The following PTBP3 variants were observed in gnomAD, a reference collection of about 807,000 sequenced individuals.
PTBP3 encodes the protein polypyrimidine tract binding protein 3.
A neutral mutation model predicts 58.7 loss-of-function variants in PTBP3; 20 were observed. The ratio of observed to expected loss-of-function variants is 0.34; its 90% CI spans 0.24 to 0.50. The LOEUF is 0.50. PTBP3 is among the 20% of genes least tolerant of loss of function. PTBP3 has a pLI of 0.98. For missense variants in PTBP3, 509 were observed against 637.2 expected, an observed-to-expected ratio of 0.80 and a Z score of 2.17; for synonymous variants, 185 against 219.8, an observed-to-expected ratio of 0.84 and a Z score of 1.40.
chr9:112,250,265 T>C (rs538496951), intron 7 of PTBP3, among the ~76,000 whole-genome samples: 7 of 152,246 alleles, frequency 4.6e-5, no homozygotes, highest in African/African-American at 1.7e-4. Context: ...AACCACACTT[T>C]TGAGAACTGT....
chr9:112,226,168 G>GTCA (rs922941680), intron 12 of PTBP3, among the ~76,000 whole-genome samples: 2 of 151,644 alleles, frequency 1.3e-5, no homozygotes, highest in African/African-American at 4.8e-5. Flanking sequence ...CTCGGTCCAT[G>GTCA]TCATCTACTT....
chr9:112,316,509 GCAGCACCCAC>G (rs1829709020), intron 1 of PTBP3, among the ~76,000 whole-genome samples: 1 of 152,162 alleles, frequency 6.6e-6, no homozygotes, highest in Admixed American at 6.5e-5. Context: ...GAAGATGACT[GCAGCACCCAC>G]CAGCACCTTG....
chr9:112,322,670 C>T (rs558573807), intron 1 of PTBP3, among the ~76,000 whole-genome samples: 4 of 152,322 alleles, frequency 2.6e-5, no homozygotes, highest in Admixed American at 2.6e-4. Flanking sequence ...TGTGTTTAAA[C>T]CTTTTAAGAA....
intron 1 of PTBP3, among the ~76,000 whole-genome samples, chr9:112,330,829 A>G (rs1409556548): frequency 2.0e-5 from 3 of 152,214 alleles, no homozygotes; most frequent in Non-Finnish European, 4.4e-5. Flanking sequence ...AGTCACTGGC[A>G]TGAATAATCG....
At chr9:112,314,790 A>G (rs1322247602) in intron 1 of PTBP3, among the ~76,000 whole-genome samples, 1 of 152,182 alleles carries the variant, frequency 6.6e-6, no homozygotes, top group Non-Finnish European at 1.5e-5. Context: ...AAATCAGTAA[A>G]GATACAGAAA....
chr9:112,283,789 C>T (rs1166666796), intron 2 of PTBP3, among the ~76,000 whole-genome samples: 6 of 152,218 alleles, frequency 3.9e-5, no homozygotes, highest in Non-Finnish European at 7.3e-5. Context: ...AACGGTTTCA[C>T]GGGCTGGCCT....
upstream of PTBP3, among the ~76,000 whole-genome samples, chr9:112,334,586 CA>C (rs1344408759): frequency 6.6e-6 from 1 of 152,160 alleles, no homozygotes; most frequent in African/African-American, 2.4e-5. Flanking sequence ...ACTGTTAAGC[CA>C]AATTCTTAAC....
chr9:112,284,808 C>T (rs1170794500), intron 2 of PTBP3, among the ~76,000 whole-genome samples: 1 of 151,832 alleles, frequency 6.6e-6, no homozygotes, highest in Admixed American at 6.6e-5. Context: ...GCGTTTTGAT[C>T]ACTTTCTCCC....
the PTBP3 span, among the ~76,000 whole-genome samples, chr9:112,375,307 C>T: frequency 6.6e-6 from 1 of 152,218 alleles, no homozygotes; most frequent in Non-Finnish European, 1.5e-5. Context: ...TCACTGGCTA[C>T]CGCCCATGAA....
At chr9:112,237,765 A>C (rs1251323118) in intron 7 of PTBP3, among the ~76,000 whole-genome samples, 1 of 152,140 alleles carries the variant, frequency 6.6e-6, no homozygotes, top group African/African-American at 2.4e-5. Flanking sequence ...GCATTAACCT[A>C]TTAATATAAG....
the PTBP3 span, among the ~76,000 whole-genome samples, chr9:112,364,070 T>C: frequency 6.6e-6 from 1 of 151,990 alleles, no homozygotes; most frequent in African/African-American, 2.4e-5. Flanking sequence ...CTTCAGAATG[T>C]CATATATTTG....
At chr9:112,358,205 G>A in the PTBP3 span, among the ~76,000 whole-genome samples, 3 of 152,236 alleles carry the variant, frequency 2.0e-5, no homozygotes, top group Admixed American at 2.0e-4. Flanking sequence ...AACTACCCAG[G>A]AGGCTGAGGC....
chr9:112,233,087 T>C (rs1253176253), intron 8 of PTBP3, among the ~76,000 whole-genome samples: 2 of 151,912 alleles, frequency 1.3e-5, no homozygotes, highest in South Asian at 2.1e-4. Flanking sequence ...ACTACCATCA[T>C]CCATACTGCT....
chr9:112,357,265 T>C, the PTBP3 span, among the ~76,000 whole-genome samples: 1 of 152,194 alleles, frequency 6.6e-6, no homozygotes, highest in Non-Finnish European at 1.5e-5. Flanking sequence ...GGAAATTCAT[T>C]ACTGATACAA....
chr9:112,244,325 C>T (rs1057451506), intron 7 of PTBP3, among the ~76,000 whole-genome samples: 3 of 109,582 alleles, frequency 2.7e-5, no homozygotes, highest in African/African-American at 1.0e-4. Flanking sequence ...GGAATAAGTG[C>T]AACAAAAAAT....
At position 112,223,958 on chromosome 9, in the gene PTBP3, G is replaced by C. The variant is rs1834889473; in HGVS notation, c.1468C>G (p.Gln490Glu). 1 of 1,612,884 alleles carries C rather than the reference G, an allele frequency of 6.2e-7. No individual in the cohort carries two copies. The highest frequency in any genetic ancestry group is 8.5e-7 in the Non-Finnish European group (1 of 1,179,400). Reference sequence around the variant, plus strand: ...ATTGCTTCTTCCACAGATCCCAATTGAATGAGCGCCATTTTGCGATCTTTC... The same window carrying C: ...ATTGCTTCTTCCACAGATCCCAATTCAATGAGCGCCATTTTGCGATCTTTC... ...FQKDRKMALIQLGSVEEAIQA... is the reference protein window; with the variant it reads ...FQKDRKMALIELGSVEEAIQA... Residue 490 changes from glutamine to glutamate, a missense_variant, in exon 14 of 14, where the codon CAA (glutamine) becomes GAA (glutamate). By Grantham distance (29) the Gln-to-Glu change is conservative. This residue lies in a region of PTBP3 where 135 missense variants were observed against 229.0 expected (regional missense o/e 0.59). Coordinates refer to ENST00000374257, the MANE Select transcript of PTBP3 (RefSeq NM_001163788.4).
chr9:112,229,778 C>A (rs1433263812), intron 10 of PTBP3, among the ~76,000 whole-genome samples: 1 of 151,970 alleles, frequency 6.6e-6, no homozygotes, highest in Non-Finnish European at 1.5e-5. Flanking sequence ...ACTATCTGGC[C>A]CAGGTTGGTC....
At chr9:112,281,285 C>T in intron 2 of PTBP3, 1 of 188,572 alleles carries the variant, frequency 5.3e-6, no homozygotes, top group South Asian at 1.2e-4. Flanking sequence ...CAACAGCTAC[C>T]AACTATTGCT....
rs1218534127 is a variant in PTBP3, at chr9:112,220,085, C to T, written c.*3766G>A. 7.5e-6 allele frequency: 9 copies of T among 1,200,504 alleles called. No homozygotes were observed. Among genetic ancestry groups the T allele is most frequent in the Non-Finnish European group, 9.5e-6 (9 of 945,000 alleles). 74.4% of individuals were successfully genotyped at this position (1,200,504 alleles called of 1,614,324 possible). ...AGGCTAAGAAAAATGCTTTACGCAT[C>T]GTCACGCTGTCTCTTTTTGGTTTTA... is the stretch of plus-strand genomic sequence containing the variant. On this transcript the variant is annotated 3_prime_UTR_variant, in exon 14 of 14. Transcript: ENST00000374257.
Sources: gnomAD v4.1 joint callset for allele counts (sites outside exome capture counted in the v4.1 genomes callset) on GRCh38, gnomAD v4.1.1 for gene constraint, gnomAD v4.1.1 regional missense constraint, MANE v1.5 for transcripts, NCBI Gene and HGNC (gene_info 2026-07-23, HGNC 2026-07-21) for gene names.